NSD1: variants seen among roughly 807,000 people sequenced by gnomAD.
NSD1 encodes nuclear receptor binding SET domain protein 1.
In NSD1, 26 loss-of-function variants were observed where a neutral mutation model predicts 242.7. The ratio of observed to expected loss-of-function variants is 0.11; its 90% confidence interval spans 0.08 to 0.15. The LOEUF (loss-of-function observed/expected upper bound fraction) is 0.15. Ranked by LOEUF, NSD1 falls within the 10% of genes least tolerant of loss-of-function variation. NSD1 has a pLI of 1.00. For synonymous variants in NSD1, 1,106 were observed against 1,178.1 expected, an observed-to-expected ratio of 0.94 and a Z score of 1.25; for missense variants, 2,495 against 3,272.8, an observed-to-expected ratio of 0.76 and a Z score of 5.80.
In NSD1 at chr5:177,211,778, C is replaced by T; in HGVS notation, c.3379C>T (p.Leu1127Phe). 6.2e-7 allele frequency: 1 copy of T among 1,614,106 alleles called. No individual in the cohort carries two copies. The highest frequency in any genetic ancestry group is 1.7e-5 in the Admixed American group (1 of 60,000). ...TCCTGGTAAAATTTCTGAAAAAGGA[C>T]TCTCTTTTGAAAACGGAAAAGGCCC... is the stretch of plus-strand genomic sequence containing the variant. The part of the protein sequence containing the change: ...SDPGKISEKG[L>F]SFENGKGPEL... The change falls in exon 5 of 23, where the codon CTC becomes TTC. Residue 1127 changes from leucine to phenylalanine, a missense_variant. Physicochemically the swap from Leu to Phe is conservative, Grantham distance 22 (BLOSUM62 0). Around this residue, in one of 19 missense-constraint regions of NSD1, gnomAD observed 426 missense variants for 411.4 expected, o/e 1.04. Transcript: ENST00000439151.
chr5:177,161,298 C>T (rs1448145863), intron 2 of NSD1, among the ~76,000 whole-genome samples: 2 of 151,852 alleles, frequency 1.3e-5, no homozygotes, highest in East Asian at 3.9e-4. Flanking sequence ...GGGAAGATAT[C>T]TGAGCTCAGG....
In NSD1 at chr5:177,210,792, C is replaced by T; in HGVS notation, c.2393C>T (p.Pro798Leu). 1 of 1,614,114 alleles carries T rather than the reference C, an allele frequency of 6.2e-7. No homozygotes were observed. The highest frequency in any genetic ancestry group is 8.5e-7 in the Non-Finnish European group (1 of 1,180,024). The change falls in exon 5 of 23, where the codon CCA becomes CTA. Residue 798 changes from proline (P) to leucine (L), a missense_variant. Physicochemically the swap from Pro to Leu is moderately conservative, Grantham distance 98 (BLOSUM62 -3). Coordinates refer to ENST00000439151, the MANE Select transcript of NSD1 (RefSeq NM_022455.5). The part of the protein sequence containing the change: ...RSIKCKHKEN[P>L]VMAEPPVINE... ...ATAAAGTGCAAACACAAAGAAAATC[C>T]AGTTATGGCAGAACCCCCAGTTATA...
intron 2 of NSD1, among the ~76,000 whole-genome samples, chr5:177,137,947 CAACTGT>C (rs1157419574): frequency 6.6e-6 from 1 of 151,822 alleles, no homozygotes; most frequent in East Asian, 1.9e-4. Context: ...TGATGGTGGG[CAACTGT>C]AATCCCAGCT....
rs779850742 is a variant in NSD1, at chr5:177,135,396, A to T, written c.293A>T (p.Gln98Leu). 2.5e-6 allele frequency: 4 copies of T among 1,613,596 alleles called. No homozygotes were observed. Among genetic ancestry groups the T allele is most frequent in the Non-Finnish European group, 3.4e-6 (4 of 1,179,726 alleles). ...NGSADGSESFQDPEKSDSRAQ... is the reference protein window; with the variant it reads ...NGSADGSESFLDPEKSDSRAQ... The stretch of plus-strand genomic sequence containing the variant: ...TCTGCTGATGGATCAGAATCCTTTC[A>T]AGACCCTGAAAAAAGTGATTCAAGA... The change falls in exon 2 of 23, where the codon CAA becomes CTA. Residue 98 changes from glutamine to leucine, a missense_variant. Physicochemically the swap from Gln to Leu is moderately radical, Grantham distance 113. Coordinates refer to ENST00000439151, the MANE Select transcript of NSD1 (RefSeq NM_022455.5).
chr5:177,162,410 T>C (rs1758833580), intron 2 of NSD1, among the ~76,000 whole-genome samples: 1 of 152,038 alleles, frequency 6.6e-6, no homozygotes, highest in Admixed American at 6.6e-5. Context: ...TGTTTGTTTG[T>C]TTGAGATGGG....
intron 5 of NSD1, among the ~76,000 whole-genome samples, chr5:177,216,624 G>A (rs961892832): frequency 6.7e-6 from 1 of 148,296 alleles, no homozygotes; most frequent in Non-Finnish European, 1.5e-5. Flanking sequence ...TGGCACTGTT[G>A]TCGAAGGTCA....
At chr5:177,248,471 CT>C (rs35926476) in intron 11 of NSD1, 147 bp downstream of exon 11, 16 of 1,077,430 alleles carry the variant, frequency 1.5e-5, no homozygotes, top group African/African-American at 3.1e-5. Context: ...GATTTGACCC[CT>C]TTTTTTCTCC....
chr5:177,182,995 C>T (rs1340729555), intron 2 of NSD1, among the ~76,000 whole-genome samples: 1 of 152,026 alleles, frequency 6.6e-6, no homozygotes, highest in South Asian at 2.1e-4. Context: ...AAGTATGGTC[C>T]TGAAGTCCTA....
chr5:177,199,239 G>A (rs1762327103), intron 3 of NSD1, among the ~76,000 whole-genome samples: 1 of 152,164 alleles, frequency 6.6e-6, no homozygotes, highest in African/African-American at 2.4e-5. Flanking sequence ...TAGGCTAGGT[G>A]TATTAAATGC....
rs1328567012 is a variant in NSD1, at chr5:177,295,711, C to T, written c.*252C>T. On this transcript the variant is annotated 3_prime_UTR_variant, in exon 23 of 23. Transcript: ENST00000439151. The surrounding 1 kb of genome is among the most constrained non-coding windows in gnomAD (Gnocchi z 4.3). ...GACAGACAGACTTGGGTCTCTTTCC[C>T]CCAACTTTTCCACATGGTCATCGTG... The T allele has an allele frequency of 8.8e-6, 5 of 570,218 alleles. No homozygotes were observed. The highest frequency in any genetic ancestry group is 1.6e-5 in the Non-Finnish European group (5 of 319,576). 35.3% of individuals were successfully genotyped at this position (570,218 alleles called of 1,614,324 possible).
At chr5:177,136,718 C>T (rs933343489) in intron 2 of NSD1, among the ~76,000 whole-genome samples, 3 of 151,940 alleles carry the variant, frequency 2.0e-5, no homozygotes, top group Non-Finnish European at 4.4e-5. Context: ...CTCACCCTCC[C>T]GAGTAGCTGG....
At chr5:177,193,673 G>C (rs893415424) in intron 3 of NSD1, among the ~76,000 whole-genome samples, 2 of 152,110 alleles carry the variant, frequency 1.3e-5, no homozygotes, top group African/African-American at 4.8e-5. Context: ...GTCAGATGTT[G>C]GTGAGATTCA....
At chr5:177,265,360 TG>T in intron 14 of NSD1, 1 of 598,054 alleles carries the variant, frequency 1.7e-6, no homozygotes, top group South Asian at 2.1e-5. Flanking sequence ...GAATTTTTTT[TG>T]TTTCCCAGCT....
chr5:177,218,459 T>C (rs1281842622), intron 5 of NSD1, among the ~76,000 whole-genome samples: 1 of 152,130 alleles, frequency 6.6e-6, no homozygotes, highest in Non-Finnish European at 1.5e-5. Context: ...CATGTAGTTT[T>C]TTTGGGGTCC....
intron 3 of NSD1, among the ~76,000 whole-genome samples, chr5:177,203,427 T>C (rs1055168346): frequency 6.6e-6 from 1 of 152,232 alleles, no homozygotes; most frequent in African/African-American, 2.4e-5. Context: ...TGGTAGGCTT[T>C]CCTTTTTCTT....
intron 2 of NSD1, among the ~76,000 whole-genome samples, chr5:177,181,416 GT>G (rs1169082532): frequency 1.5e-3 from 190 of 130,144 alleles, no homozygotes; most frequent in Non-Finnish European, 2.5e-3. Flanking sequence ...TTCATTATGG[GT>G]TTTTTTTTGG....
At chr5:177,286,729 G>A (rs1455790861) in intron 20 of NSD1, among the ~76,000 whole-genome samples, 1 of 152,086 alleles carries the variant, frequency 6.6e-6, no homozygotes, top group Non-Finnish European at 1.5e-5. Flanking sequence ...GTTCTACTAT[G>A]TCTGCTGAGT....
rs750723550 is a variant in NSD1 at position 177,293,974 on chromosome 5, T to C, written c.6606T>C (p.Cys2202=). The C allele has an allele frequency of 6.2e-7, 1 of 1,614,110 alleles. No individual in the cohort carries two copies. The highest frequency in any genetic ancestry group is 1.7e-5 in the Admixed American group (1 of 60,012). ...CCAAACTGGATGGGCGTCTGTCTTG[T>C]ACTGAGCATGACCCCTGTGGGCCCA... The part of the protein sequence containing the change: ...FISKLDGRLS[C]TEHDPCGPNP... The change falls in exon 23 of 23, where the codon TGT becomes TGC. Residue 2202 remains cysteine, a synonymous_variant. Coordinates refer to ENST00000439151, the MANE Select transcript of NSD1 (RefSeq NM_022455.5).
chr5:177,151,421 T>C (rs1031650031), intron 2 of NSD1, among the ~76,000 whole-genome samples: 7 of 151,974 alleles, frequency 4.6e-5, no homozygotes, highest in African/African-American at 1.7e-4. Flanking sequence ...GGAGTTTCGC[T>C]CTTGTTGCCC....
Sources: gnomAD v4.1 joint callset for allele counts (sites outside exome capture counted in the v4.1 genomes callset) on GRCh38, gnomAD v4.1.1 for gene constraint, gnomAD v4.1.1 regional missense constraint, Gnocchi (gnomAD v3.1) non-coding constraint, MANE v1.5 for transcripts, NCBI Gene and HGNC (gene_info 2026-07-23, HGNC 2026-07-21) for gene names.